Variants in SFXN5 observed in about 807,000 individuals in gnomAD.
The protein encoded by SFXN5 is sideroflexin-5.
In SFXN5, 43 loss-of-function variants were observed where a neutral mutation model predicts 50.2. The ratio of observed to expected loss-of-function variants is 0.86; its 90% CI spans 0.67 to 1.11. The LOEUF is 1.11. Ranked by LOEUF, SFXN5 falls within the 50% of genes least tolerant of loss-of-function variation. The pLI, the probability that SFXN5 is intolerant of heterozygous loss-of-function variation, is 0.00. For missense variants in SFXN5, 463 were observed against 454.1 expected (o/e 1.02, Z -0.18); for synonymous variants, 203 against 185.8 (o/e 1.09, Z -0.75).
intron 1 of SFXN5, among the ~76,000 whole-genome samples, chr2:73,060,754 T>G (rs1222291370): frequency 6.7e-6 from 1 of 150,194 alleles, no homozygotes; most frequent in Non-Finnish European, 1.5e-5. Context: ...CAGGCTGGAG[T>G]GCAGTGGCAC....
chr2:73,030,098 C>G (rs1678109139), intron 3 of SFXN5, among the ~76,000 whole-genome samples: 1 of 151,718 alleles, frequency 6.6e-6, no homozygotes, highest in Non-Finnish European at 1.5e-5. Flanking sequence ...AACAAAAAAA[C>G]CCTAAAATCA....
rs1673744350 is a variant in SFXN5, at chr2:72,961,517, C to T, written c.828-269G>A. ...CAATTACTCAGGTCACGAATGAGTA[C>T]TTTCGGGGCACCCACCCGCCACGCG... is the stretch of plus-strand genomic sequence containing the variant. On this transcript the variant is annotated intron_variant, in intron 12 of 13. Transcript: ENST00000272433. The surrounding 1 kb of genome is among the most constrained non-coding windows in gnomAD (Gnocchi z 4.4). 6.6e-6 allele frequency among the ~76,000 whole-genome samples: 1 copy of T among 152,208 alleles called. No individual in the cohort carries two copies. Among genetic ancestry groups the T allele is most frequent in the African/African-American group, 2.4e-5 (1 of 41,448 alleles).
chr2:73,007,742 G>A lies in SFXN5; in HGVS notation c.358-6164C>T, dbSNP rs148077893. Among the ~76,000 whole-genome samples, 692 of 152,184 alleles carry A rather than the reference G, an allele frequency of 4.5e-3. 8 individuals are homozygous for A. Among genetic ancestry groups the A allele is most frequent in the African/African-American group, 0.015 (622 of 41,512 alleles). ...TCCTCTTTGTCATCCACCATGGGCC[G>A]CAGTACCCCAACACACAACAATTGT... On this transcript the variant is annotated intron_variant, in intron 6 of 13. Transcript: ENST00000272433.
At chr2:73,009,302 G>A (rs1322308682) in intron 6 of SFXN5, among the ~76,000 whole-genome samples, 1 of 152,244 alleles carries the variant, frequency 6.6e-6, no homozygotes, top group Non-Finnish European at 1.5e-5. Context: ...TGGAGAAGCT[G>A]ATGGGGCTGC....
At chr2:73,057,740 T>A (rs186288943) in intron 2 of SFXN5, among the ~76,000 whole-genome samples, 23 of 152,244 alleles carry the variant, frequency 1.5e-4, no homozygotes, top group African/African-American at 3.9e-4. Context: ...GGGAGGTGAT[T>A]GAATGATGGG....
At chr2:73,044,974 G>A (rs771976985) in intron 2 of SFXN5, among the ~76,000 whole-genome samples, 1 of 152,324 alleles carries the variant, frequency 6.6e-6, no homozygotes, top group East Asian at 1.9e-4. Context: ...GGAGGGGAAT[G>A]GGGACAGAGG....
At position 72,950,068 on chromosome 2, in the gene SFXN5, G is replaced by A. The variant is rs953254159; in HGVS notation, c.946-4969C>T. ...AGGAGAAAGCGCCCGGGATGTGTGA[G>A]CATAGCCAGATCCTTCAGAGTGGAG... On this transcript the variant is annotated intron_variant, in intron 13 of 13. Coordinates refer to ENST00000272433, the MANE Select transcript of SFXN5 (RefSeq NM_144579.3). This position sits in a 1 kb window ranked among gnomAD's most constrained non-coding sequence, Gnocchi z 4.2. Among the ~76,000 whole-genome samples, 3 of 151,986 alleles carry A rather than the reference G, an allele frequency of 2.0e-5. No individual in the cohort carries two copies.
At position 73,057,209 on chromosome 2, in the gene SFXN5, G is replaced by A. The variant is rs577891608; in HGVS notation, c.171+1319C>T. ...GCTGGAGTGCAGTGGTACAATCATGGTTCACTGCAGCCTCAACTTCTCAGG... is the reference window on the plus strand; with the variant it reads ...GCTGGAGTGCAGTGGTACAATCATGATTCACTGCAGCCTCAACTTCTCAGG... On this transcript the variant is annotated intron_variant, in intron 2 of 13. Coordinates refer to ENST00000272433, the MANE Select transcript of SFXN5 (RefSeq NM_144579.3). Among the ~76,000 whole-genome samples, 39 of 152,262 alleles carry A rather than the reference G, an allele frequency of 2.6e-4. No homozygotes were observed. The South Asian group carries it at 7.9e-3, about 31-fold the overall frequency.
intron 2 of SFXN5, among the ~76,000 whole-genome samples, chr2:73,056,625 C>T (rs557577332): frequency 1.3e-5 from 2 of 150,218 alleles, no homozygotes; most frequent in South Asian, 4.2e-4. Context: ...GCAGAGGTTG[C>T]GGTGAGCTGG....
At chr2:73,022,957 C>G (rs1178417003) in intron 4 of SFXN5, among the ~76,000 whole-genome samples, 3 of 152,216 alleles carry the variant, frequency 2.0e-5, no homozygotes, top group South Asian at 2.1e-4. Flanking sequence ...AGAGCCCTGT[C>G]TCTTCTGGGA....
At chr2:73,071,501 G>A in intron 1 of SFXN5, 103 bp downstream of exon 1, 4 of 1,083,286 alleles carry the variant, frequency 3.7e-6, no homozygotes, top group Non-Finnish European at 5.3e-6. Context: ...AGGCTCCGCT[G>A]GCCGCGGGTG....
rs1292727544 is a variant in SFXN5 at position 72,992,849 on chromosome 2, A to G, written c.535-4501T>C. ...TTAAAGCCTTCGGTGACACTGGAGGAGCCACACGGCCCTGCGGGACTGCCT... is the reference window on the plus strand; with the variant it reads ...TTAAAGCCTTCGGTGACACTGGAGGGGCCACACGGCCCTGCGGGACTGCCT... On this transcript the variant is annotated intron_variant, in intron 9 of 13. Coordinates refer to ENST00000272433, the MANE Select transcript of SFXN5 (RefSeq NM_144579.3). The surrounding 1 kb of genome is among the most constrained non-coding windows in gnomAD (Gnocchi z 4.5). Among the ~76,000 whole-genome samples the G allele has an allele frequency of 6.6e-6, 1 of 152,152 alleles. No individual in the cohort carries two copies. The highest frequency in any genetic ancestry group is 2.4e-5 in the African/African-American group (1 of 41,432).
rs1173358993 is a variant in SFXN5, at chr2:72,968,504, C to T, written c.771G>A (p.Val257=). 6.2e-7 allele frequency: 1 copy of T among 1,613,346 alleles called. No individual in the cohort carries two copies. Among genetic ancestry groups the T allele is most frequent in the Non-Finnish European group, 8.5e-7 (1 of 1,180,024 alleles). Residue 257 remains valine, a synonymous_variant, in exon 12 of 14, where the codon GTG becomes GTA. Transcript: ENST00000272433. ...GCACCAGGATGGGCATGGGCAGGAC[C>T]ACTCGCGTCAGCGCCGTCTCCAGCA... is the stretch of plus-strand genomic sequence containing the variant. ...HALLETALTR[V]VLPMPILVLP...
intron 9 of SFXN5, 65 bp from the exon 10 acceptor site, chr2:72,988,413 G>A (rs1216830941): frequency 7.1e-7 from 1 of 1,406,100 alleles, no homozygotes; most frequent in Non-Finnish European, 9.9e-7. Flanking sequence ...GTGGGAGGAG[G>A]GGGCAGAACT....
intron 3 of SFXN5, among the ~76,000 whole-genome samples, chr2:73,038,860 A>T (rs1310141280): frequency 2.6e-5 from 4 of 152,186 alleles, no homozygotes; most frequent in East Asian, 1.9e-4. Context: ...AGACACAAAC[A>T]AACAGACTAG....
chr2:72,999,504 A>G (rs891288710), intron 8 of SFXN5, among the ~76,000 whole-genome samples: 1 of 151,734 alleles, frequency 6.6e-6, no homozygotes, highest in Non-Finnish European at 1.5e-5. Context: ...AGAATAATAT[A>G]CCCCAAGTTC....
chr2:72,959,481 TTC>T (rs1673468183), intron 13 of SFXN5, among the ~76,000 whole-genome samples: 2 of 152,196 alleles, frequency 1.3e-5, no homozygotes, highest in South Asian at 4.2e-4. Context: ...GTCTCACCCC[TTC>T]TCTGTGTCCT....
Position 72,998,997 on chromosome 2 carries a change from C to T in SFXN5, c.486G>A (p.Lys162=). 6.2e-7 allele frequency: 1 copy of T among 1,614,168 alleles called. No homozygotes were observed. Reference sequence around the variant, plus strand: ...CAGCTCCCAGGTATCCCTGGATGAACTTGGATGCAGGTGAAGGCTGGAAAA... The same window carrying T: ...CAGCTCCCAGGTATCCCTGGATGAATTTGGATGCAGGTGAAGGCTGGAAAA... ...RNATKPSPAS[K]FIQGYLGAVI... The change falls in exon 9 of 14, where the codon AAG becomes AAA. Residue 162 remains lysine, a synonymous_variant. Coordinates refer to ENST00000272433, the MANE Select transcript of SFXN5 (RefSeq NM_144579.3).
intron 1 of SFXN5, among the ~76,000 whole-genome samples, chr2:73,069,470 T>C (rs1208634525): frequency 6.6e-6 from 1 of 152,158 alleles, no homozygotes; most frequent in Non-Finnish European, 1.5e-5. Context: ...GTTGGGCTGT[T>C]TGCAGAGCCA....
Sources: gnomAD v4.1 joint callset for allele counts (sites outside exome capture counted in the v4.1 genomes callset) on GRCh38, gnomAD v4.1.1 for gene constraint, Gnocchi (gnomAD v3.1) non-coding constraint, MANE v1.5 for transcripts, NCBI Gene and HGNC (gene_info 2026-07-23, HGNC 2026-07-21) for gene names.